Variants in PKIB observed in about 807,000 individuals in gnomAD.
The protein encoded by PKIB is cAMP-dependent protein kinase inhibitor beta, also known as PKI-beta.
In PKIB, 2 loss-of-function variants were observed where a neutral mutation model predicts 4.5. The observed-to-expected ratio is 0.44, with a 90% CI of 0.18 to 1.39. PKIB has a LOEUF of 1.39. Among genes scored for constraint, PKIB ranks in the 40% most tolerant of loss-of-function variants. The pLI is 0.27. For synonymous variants in PKIB, 38 were observed against 36.0 expected (o/e 1.06, Z -0.20); for missense variants, 94 against 92.6 (o/e 1.02, Z -0.06).
intron 1 of PKIB, among the ~76,000 whole-genome samples, chr6:122,473,452 A>G (rs1321776043): frequency 2.6e-5 from 4 of 152,198 alleles, no homozygotes; most frequent in Admixed American, 6.5e-5. Flanking sequence ...TACAAAAGTC[A>G]TATTAATCTT....
intron 3 of PKIB, among the ~76,000 whole-genome samples, chr6:122,589,559 T>C (rs1773956873): frequency 1.3e-5 from 2 of 152,118 alleles, no homozygotes; most frequent in South Asian, 4.1e-4. Context: ...ATAAAATGTA[T>C]TTATAAATGT....
rs148573478 is a variant in PKIB at position 122,543,214 on chromosome 6, C to T, written c.-247-42707C>T. ...GCTTTGGCTCATGCATGGTGTGCTG[C>T]ACCCACTGTCTGGAGCTCCCTAGTG... On this transcript the variant is annotated intron_variant, in intron 2 of 6. Transcript: ENST00000392491. Among the ~76,000 whole-genome samples the T allele has an allele frequency of 9.9e-5, 15 of 152,182 alleles. No homozygotes were observed. In the East Asian group the frequency reaches 2.5e-3, roughly 26 times the overall value.
At chr6:122,632,555 A>C (rs1430812) in intron 1 of PKIB, among the ~76,000 whole-genome samples, 9,381 of 152,292 alleles carry the variant, frequency 0.062, 437 homozygotes, top group African/African-American at 0.13. Context: ...ACTAGTTTTT[A>C]AATGGGGACT....
intron 2 of PKIB, among the ~76,000 whole-genome samples, chr6:122,544,529 T>A (rs1053005282): frequency 6.6e-6 from 1 of 152,060 alleles, no homozygotes. Flanking sequence ...ACCCTGGGGT[T>A]CCAACCTGGA....
chr6:122,627,540 C>T (rs2114808267), intron 1 of PKIB, among the ~76,000 whole-genome samples: 1 of 152,266 alleles, frequency 6.6e-6, no homozygotes, highest in East Asian at 1.9e-4. Context: ...CATCATGTTC[C>T]TTCCAACTTT....
intron 2 of PKIB, among the ~76,000 whole-genome samples, chr6:122,569,242 A>G (rs946723649): frequency 2.6e-5 from 4 of 152,136 alleles, no homozygotes; most frequent in African/African-American, 9.7e-5. Context: ...AGCTCCACCT[A>G]TTGCCTGAGA....
chr6:122,621,972 G>A (rs1409046714), intron 1 of PKIB, among the ~76,000 whole-genome samples: 1 of 151,720 alleles, frequency 6.6e-6, no homozygotes, highest in Non-Finnish European at 1.5e-5. Flanking sequence ...CTTCTAAGAA[G>A]TAAGTCACAT....
intron 2 of PKIB, among the ~76,000 whole-genome samples, chr6:122,485,346 A>G (rs997470947): frequency 2.6e-5 from 4 of 152,210 alleles, no homozygotes; most frequent in Non-Finnish European, 5.9e-5. Flanking sequence ...ATACATTGAA[A>G]TTATTTCCCA....
chr6:122,558,711 C>T (rs1290496257), intron 2 of PKIB, among the ~76,000 whole-genome samples: 1 of 151,992 alleles, frequency 6.6e-6, no homozygotes, highest in Non-Finnish European at 1.5e-5. Context: ...ACAGTCACCT[C>T]CTCTCTATTT....
intron 3 of PKIB, among the ~76,000 whole-genome samples, chr6:122,597,243 G>T (rs1562264144): frequency 6.6e-6 from 1 of 152,204 alleles, no homozygotes; most frequent in Non-Finnish European, 1.5e-5. Flanking sequence ...TCTTGTAGAA[G>T]CGAAAAGTGA....
At chr6:122,636,549 A>T (rs549218493) in intron 2 of PKIB, among the ~76,000 whole-genome samples, 16 of 152,246 alleles carry the variant, frequency 1.1e-4, no homozygotes, top group African/African-American at 3.4e-4. Context: ...GCTGTTAAGT[A>T]TGTTATGCAG....
chr6:122,608,610 G>C (rs532979533), upstream of PKIB, among the ~76,000 whole-genome samples: 1 of 152,284 alleles, frequency 6.6e-6, no homozygotes, highest in East Asian at 1.9e-4. Flanking sequence ...TCTTAAGTGT[G>C]GAAACAAAGT....
chr6:122,651,370 G>C, intron 2 of PKIB, among the ~76,000 whole-genome samples: 1 of 152,162 alleles, frequency 6.6e-6, no homozygotes, highest in African/African-American at 2.4e-5. Flanking sequence ...GCTGGTACTT[G>C]AGTCTTGTTA....
intron 1 of PKIB, among the ~76,000 whole-genome samples, chr6:122,472,536 TC>T (rs1775333690): frequency 6.6e-6 from 1 of 152,198 alleles, no homozygotes; most frequent in South Asian, 2.1e-4. Context: ...GGGAATGCAT[TC>T]CTATAAAAGT....
intron 2 of PKIB, among the ~76,000 whole-genome samples, chr6:122,575,850 A>G (rs973406234): frequency 7.2e-5 from 11 of 152,294 alleles, no homozygotes; most frequent in African/African-American, 2.4e-4. Flanking sequence ...CTCAGAATTT[A>G]CCATTAAAGA....
At chr6:122,533,090 A>C (rs1777304056) in intron 2 of PKIB, among the ~76,000 whole-genome samples, 1 of 152,042 alleles carries the variant, frequency 6.6e-6, no homozygotes, top group Non-Finnish European at 1.5e-5. Flanking sequence ...CAAATATATG[A>C]TCTCCTGCAG....
chr6:122,556,896 T>C (rs1008538128), intron 2 of PKIB, among the ~76,000 whole-genome samples: 2 of 152,166 alleles, frequency 1.3e-5, no homozygotes, highest in African/African-American at 4.8e-5. Flanking sequence ...TAACACTTGA[T>C]TGTCAAATGA....
chr6:122,574,113 A>G (rs540961781), intron 2 of PKIB, among the ~76,000 whole-genome samples: 1 of 152,348 alleles, frequency 6.6e-6, no homozygotes, highest in Admixed American at 6.5e-5. Flanking sequence ...TAGCACTGCT[A>G]TACACCAACA....
Position 122,598,633 on chromosome 6 carries a change from C to A in PKIB, c.-161+12626C>A, listed in dbSNP as rs555873047. ...ATATCTTCTGTCTGAACCCTCCCAG[C>A]TGGGATGAGTAGGTCTAAAGTGACT... On this transcript the variant is annotated intron_variant, in intron 3 of 6. Coordinates refer to the PKIB transcript ENST00000392491. Among the ~76,000 whole-genome samples, 5 of 152,244 alleles carry A rather than the reference C, an allele frequency of 3.3e-5. No individual in the cohort carries two copies. In the East Asian group the frequency reaches 7.7e-4, roughly 24 times the overall value.
Sources: allele counts gnomAD v4.1 joint callset (sites outside exome capture counted in the v4.1 genomes callset), GRCh38; gene constraint gnomAD v4.1.1; transcripts MANE v1.5; gene names NCBI Gene and HGNC (gene_info 2026-07-23, HGNC 2026-07-21).